Variants in PDE6C observed in about 807,000 individuals in gnomAD.
PDE6C encodes phosphodiesterase 6C.
In PDE6C, 75 loss-of-function variants were observed where a neutral mutation model predicts 113.1. The observed-to-expected ratio is 0.66, with a 90% confidence interval of 0.55 to 0.80. The LOEUF is 0.80. Among genes scored for constraint, PDE6C ranks in the 30% least tolerant of loss-of-function variants. The pLI is 0.00. For synonymous variants in PDE6C, 375 were observed against 363.7 expected (o/e 1.03, Z -0.35); for missense variants, 912 against 1,038.6 (o/e 0.88, Z 1.67).
At chr10:93,635,052 G>A (rs946476339) in intron 9 of PDE6C, 145 bp downstream of exon 9, 1 of 949,308 alleles carries the variant, frequency 1.1e-6, no homozygotes, top group African/African-American at 1.6e-5. Context: ...TTGTTATTTT[G>A]TCGTTTCTAT....
intron 14 of PDE6C, among the ~76,000 whole-genome samples, chr10:93,644,754 C>G (rs1231855886): frequency 6.9e-6 from 1 of 145,030 alleles, no homozygotes; most frequent in Non-Finnish European, 1.5e-5. Flanking sequence ...TACTCTCTAT[C>G]TTCAAATAAA....
chr10:93,638,996 C>T (rs2058546844), intron 11 of PDE6C, among the ~76,000 whole-genome samples: 1 of 152,194 alleles, frequency 6.6e-6, no homozygotes, highest in Non-Finnish European at 1.5e-5. Flanking sequence ...GGGGAGTGAC[C>T]TCCCTTTCCC....
chr10:93,613,315 G>A (rs773818398), intron 1 of PDE6C, 110 bp downstream of exon 1: 3 of 1,447,104 alleles, frequency 2.1e-6, no homozygotes, highest in Non-Finnish European at 2.8e-6. Flanking sequence ...ATAACCGGGG[G>A]AATGTGGGTG....
intron 20 of PDE6C, 44 bp downstream of exon 20, chr10:93,662,687 T>C (rs1458456272): frequency 1.0e-6 from 1 of 955,736 alleles, no homozygotes; most frequent in African/African-American, 1.6e-5. Context: ...AACATTTGGA[T>C]GAGAAATTTT....
At chr10:93,649,548 GC>G (rs1472943933) in intron 15 of PDE6C, among the ~76,000 whole-genome samples, 1 of 152,100 alleles carries the variant, frequency 6.6e-6, no homozygotes, top group African/African-American at 2.4e-5. Context: ...ATTTTTTTAA[GC>G]CAGAGTTGGT....
In PDE6C at chr10:93,640,943, C is replaced by T. The variant is rs1330185769; in HGVS notation, c.1761C>T (p.Tyr587=). 8 of 1,609,518 alleles carry T rather than the reference C, an allele frequency of 5.0e-6. No individual in the cohort carries two copies. Among genetic ancestry groups the T allele is most frequent in the Admixed American group, 1.7e-5 (1 of 59,992 alleles). ...LLMTGRLKKY[Y]TDLEAFAMLA... ...AGACAGGAAGATTAAAGAAGTACTACACAGATCTCGAAGCCTTTGCCATGC... is the reference window on the plus strand; with the variant it reads ...AGACAGGAAGATTAAAGAAGTACTATACAGATCTCGAAGCCTTTGCCATGC... The change falls in exon 14 of 22, where the codon TAC becomes TAT. Residue 587 remains tyrosine, a synonymous_variant. Transcript: ENST00000371447.
In PDE6C at chr10:93,635,606, C is replaced by A; in HGVS notation, c.1379C>A (p.Thr460Asn). The stretch of plus-strand genomic sequence containing the variant: ...GCTCAGGAAATGCTCATGAACCAAA[C>A]CAAAGCCACTCCTGAAGAAATTAAG... Reference protein sequence around the residue: ...DIAQEMLMNQTKATPEEIKSI... With the variant: ...DIAQEMLMNQNKATPEEIKSI... The change falls in exon 10 of 22, where the codon ACC becomes AAC. Residue 460 changes from threonine to asparagine, a missense_variant. Physicochemically the swap from Thr to Asn is moderately conservative, Grantham distance 65 (BLOSUM62 0). Coordinates refer to ENST00000371447, the MANE Select transcript of PDE6C (RefSeq NM_006204.4). The A allele has an allele frequency of 6.2e-7, 1 of 1,613,986 alleles. No homozygotes were observed. The highest frequency in any genetic ancestry group is 8.5e-7 in the Non-Finnish European group (1 of 1,179,888).
intron 1 of PDE6C, among the ~76,000 whole-genome samples, chr10:93,615,608 C>T (rs2058416296): frequency 6.6e-6 from 1 of 152,162 alleles, no homozygotes; most frequent in Non-Finnish European, 1.5e-5. Flanking sequence ...TACTGAACTC[C>T]TGACCTCAGG....
chr10:93,654,758 CTTTCTTTCTTTCTT>C (rs1564804639), intron 15 of PDE6C, among the ~76,000 whole-genome samples: 2 of 35,108 alleles, frequency 5.7e-5, no homozygotes, highest in African/African-American at 2.9e-4. Flanking sequence ...CATTTTCTTT[CTTTCTTTCTTTCTT>C]TCTTTCTTTC....
At chr10:93,623,021 C>A (rs1699681444) in intron 4 of PDE6C, among the ~76,000 whole-genome samples, 1 of 152,154 alleles carries the variant, frequency 6.6e-6, no homozygotes, top group African/African-American at 2.4e-5. Context: ...TACTGTAAGA[C>A]AAATTGATCT....
In PDE6C at chr10:93,646,051, C is replaced by T. The variant is rs373290960; in HGVS notation, c.1935+4C>T. On this transcript the variant is annotated splice_donor_region_variant and intron_variant, in intron 15 of 21. Transcript: ENST00000371447. Reference sequence around the variant, plus strand: ...TAAGACTCTGTTGCAGGATGAGGTACGTAAACCTCTCTTTAGGACAGCTAA... The same window carrying T: ...TAAGACTCTGTTGCAGGATGAGGTATGTAAACCTCTCTTTAGGACAGCTAA... 89 of 1,509,596 alleles carry T rather than the reference C, an allele frequency of 5.9e-5. 2 individuals are homozygous for T. The highest frequency in any genetic ancestry group is 3.4e-4 in the Middle Eastern group (2 of 5,890). The allele number at this position is 1,509,596 out of a possible 1,614,324, so 93.5% of individuals were successfully genotyped here. A position where few individuals can be genotyped will look rare whatever the true frequency, so the allele number is the denominator to read the frequency against.
chr10:93,622,121 C>T (rs778803843), intron 4 of PDE6C, 49 bp downstream of exon 4: 31 of 1,532,720 alleles, frequency 2.0e-5, no homozygotes, highest in Non-Finnish European at 2.6e-5. Flanking sequence ...GCCTATATAA[C>T]ACACACCACA....
chr10:93,633,725 G>A (rs1409892036), intron 8 of PDE6C, among the ~76,000 whole-genome samples: 1 of 152,098 alleles, frequency 6.6e-6, no homozygotes, highest in Non-Finnish European at 1.5e-5. Context: ...TCATGGATCA[G>A]TCAGAAAAAC....
chr10:93,650,711 G>T (rs1353164217), intron 15 of PDE6C, among the ~76,000 whole-genome samples: 1 of 152,164 alleles, frequency 6.6e-6, no homozygotes, highest in Non-Finnish European at 1.5e-5. Flanking sequence ...CTCTTAAAGA[G>T]CCCTCTAAAA....
intron 1 of PDE6C, 37 bp downstream of exon 1, chr10:93,613,242 C>T (rs980909781): frequency 1.9e-6 from 3 of 1,612,402 alleles, no homozygotes; most frequent in African/African-American, 2.7e-5. Context: ...GAGGTCTTGG[C>T]AGGGTCAGGG....
At position 93,612,896 on chromosome 10, in the gene PDE6C, G is replaced by A. The variant is rs1465597481; in HGVS notation, c.171G>A (p.Glu57=). The A allele has an allele frequency of 6.2e-7, 1 of 1,614,116 alleles. No homozygotes were observed. Among genetic ancestry groups the A allele is most frequent in the Non-Finnish European group, 8.5e-7 (1 of 1,180,044 alleles). Residue 57 remains glutamate (E), a synonymous_variant, in exon 1 of 22, where the codon GAG becomes GAA. Coordinates refer to ENST00000371447, the MANE Select transcript of PDE6C (RefSeq NM_006204.4). ...SMSFSELTQV[E]ESALCLELLW... is the part of the protein sequence containing the mutation. ...CCTTCTCTGAGCTGACCCAGGTGGA[G>A]GAGTCAGCCCTGTGCTTGGAGCTGC...
At chr10:93,633,086 T>G (rs1465986441) in intron 8 of PDE6C, among the ~76,000 whole-genome samples, 1 of 152,202 alleles carries the variant, frequency 6.6e-6, no homozygotes, top group African/African-American at 2.4e-5. Context: ...CTTGTCTATC[T>G]TTGCCTTAGC....
chr10:93,635,830 C>T (rs926079808), intron 10 of PDE6C, among the ~76,000 whole-genome samples, 190 bp downstream of exon 10: 5 of 152,158 alleles, frequency 3.3e-5, no homozygotes, highest in Non-Finnish European at 7.4e-5. Flanking sequence ...GGAAGTACAG[C>T]TGCTTGGCTG....
chr10:93,621,045 C>A, intron 3 of PDE6C, 65 bp downstream of exon 3: 1 of 1,294,360 alleles, frequency 7.7e-7, no homozygotes, highest in Non-Finnish European at 1.1e-6. Context: ...CCAGAGACAA[C>A]AAATTCAGAC....
Sources: gnomAD v4.1 joint callset for allele counts (sites outside exome capture counted in the v4.1 genomes callset) on GRCh38, gnomAD v4.1.1 for gene constraint, MANE v1.5 for transcripts, NCBI Gene and HGNC (gene_info 2026-07-23, HGNC 2026-07-21) for gene names.